AKAP3: variants seen among roughly 807,000 people sequenced by gnomAD.
AKAP3 encodes the protein A-kinase anchor protein 3.
A neutral mutation model predicts 57.2 loss-of-function variants in AKAP3; 27 were observed. The ratio of observed to expected loss-of-function variants is 0.47; its 90% confidence interval spans 0.35 to 0.65. The LOEUF is 0.65. AKAP3 is among the 30% of genes least tolerant of loss of function. AKAP3 has a pLI of 0.01. For missense variants in AKAP3, 959 were observed against 1,040.0 expected, an observed-to-expected ratio of 0.92 and a Z score of 1.07; for synonymous variants, 334 against 392.3, an observed-to-expected ratio of 0.85 and a Z score of 1.76.
chr12:4,635,480 T>C (rs1945552689), intron 4 of AKAP3: 1 of 672,580 alleles, frequency 1.5e-6, no homozygotes, highest in Non-Finnish European at 2.7e-6. Flanking sequence ...ACATTTCATT[T>C]ACATTCACTG....
rs763493404 is a variant in AKAP3, at chr12:4,628,565, C to A, written c.337G>T (p.Ala113Ser). ...HKEIPCQGPR[A>S]QLGNGSSVDE... ...ACTGAACTCCCGTTGCCAAGTTGGGCCCTGGGGCCCTGGCAAGGAATCTCT... is the reference window on the plus strand; with the variant it reads ...ACTGAACTCCCGTTGCCAAGTTGGGACCTGGGGCCCTGGCAAGGAATCTCT... The change falls in exon 5 of 6, where the codon GCC becomes TCC. Residue 113 changes from alanine (A) to serine (S), a missense_variant. Ala to Ser is a moderately conservative substitution (Grantham distance 99). Transcript: ENST00000228850. The A allele has an allele frequency of 1.2e-6, 2 of 1,612,722 alleles. No individual in the cohort carries two copies. The highest frequency in any genetic ancestry group is 3.3e-5 in the Admixed American group (2 of 60,006).
At position 4,627,748 on chromosome 12, in the gene AKAP3, A is replaced by G; in HGVS notation, c.1154T>C (p.Met385Thr). The change falls in exon 5 of 6, where the codon ATG becomes ACG. Residue 385 changes from methionine to threonine, a missense_variant. Met to Thr is a moderately conservative substitution (Grantham distance 81, BLOSUM62 -1). Coordinates refer to ENST00000228850, the MANE Select transcript of AKAP3 (RefSeq NM_001278309.2). ...ATGCTCAGGGACTTTCTTGGCAAAC[A>G]TTACATTGTACAGCTTCCTTAGCAT... ...DAMLRKLYNV[M>T]FAKKVPEHVR... 1.9e-6 allele frequency: 3 copies of G among 1,614,092 alleles called. No homozygotes were observed. Among genetic ancestry groups the G allele is most frequent in the Non-Finnish European group, 2.5e-6 (3 of 1,180,024 alleles).
chr12:4,647,866 T>C (rs943829359), intron 1 of AKAP3: 3 of 118,184 alleles, frequency 2.5e-5, no homozygotes, highest in South Asian at 2.5e-4. Flanking sequence ...AGGGGCAAGA[T>C]AGAGTGGAAA....
intron 4 of AKAP3, chr12:4,636,265 G>C (rs760960358): frequency 2.5e-6 from 1 of 394,202 alleles, no homozygotes; most frequent in Non-Finnish European, 4.7e-6. Flanking sequence ...CCTCAGACGC[G>C]GCAAGCGGAG....
chr12:4,617,131 C>T (rs12829711), intron 5 of AKAP3, among the ~76,000 whole-genome samples: 30,875 of 152,046 alleles, frequency 0.2, 4,028 homozygotes, highest in Middle Eastern at 0.34. Context: ...CAAATGACAG[C>T]CAATTTCTCA....
intron 1 of AKAP3, chr12:4,645,820 G>A (rs1414378645): frequency 1.3e-5 from 2 of 152,162 alleles, no homozygotes; most frequent in African/African-American, 4.8e-5. Flanking sequence ...TTTAATATAG[G>A]TGGGGGAATA....
chr12:4,628,042 G>A lies in AKAP3; in HGVS notation c.860C>T (p.Thr287Ile), dbSNP rs781691588. The change falls in exon 5 of 6, where the codon ACC becomes ATC. Residue 287 changes from threonine to isoleucine, a missense_variant. Physicochemically the swap from Thr to Ile is moderately conservative, Grantham distance 89. Transcript: ENST00000228850. ...FTASVSEGIM[T>I]YANSVVSDMM... ...ATCAGATACCACACTGTTAGCATAG[G>A]TCATGATCCCTTCACTAACAGAAGC... 4.3e-6 allele frequency: 7 copies of A among 1,613,970 alleles called. No homozygotes were observed. The African/African-American group carries it at 6.7e-5, about 15-fold the overall frequency.
intron 5 of AKAP3, among the ~76,000 whole-genome samples, chr12:4,616,203 G>A (rs767119255): frequency 3.7e-4 from 57 of 152,196 alleles, no homozygotes; most frequent in Non-Finnish European, 6.8e-4. Flanking sequence ...ATGTCCAGTG[G>A]ACAAATGTGG....
chr12:4,628,732 T>G lies in AKAP3; in HGVS notation c.170A>C (p.Gln57Pro). 1 of 1,614,202 alleles carries G rather than the reference T, an allele frequency of 6.2e-7. No individual in the cohort carries two copies. Among genetic ancestry groups the G allele is most frequent in the Non-Finnish European group, 8.5e-7 (1 of 1,180,012 alleles). The change falls in exon 5 of 6, where the codon CAA becomes CCA. Residue 57 changes from glutamine to proline, a missense_variant. Transcript: ENST00000228850. ...RDLEKSTAEF[Q>P]DVRFKPGESF... ...TTCTCCGGGTTTGAACCGAACATCT[T>G]GGAACTCTGCTGTACTCTTCTCCAG...
At chr12:4,618,820 C>T (rs147987445) in intron 5 of AKAP3, among the ~76,000 whole-genome samples, 17 of 152,290 alleles carry the variant, frequency 1.1e-4, no homozygotes, top group African/African-American at 3.1e-4. Context: ...CGTGATAAAT[C>T]GGCTGTCATC....
Position 4,648,986 on chromosome 12 carries a change from G to A in AKAP3, c.-486C>T. The A allele has an allele frequency of 1.1e-6, 1 of 930,608 alleles. No individual in the cohort carries two copies. Among genetic ancestry groups the A allele is most frequent in the Non-Finnish European group, 1.6e-6 (1 of 618,640 alleles). The allele number at this position is 930,608 out of a possible 1,614,324, so 57.6% of individuals were successfully genotyped here. A position where few individuals can be genotyped will look rare whatever the true frequency, so the allele number is the denominator to read the frequency against. ...CTTCCCCCTCTCCTTCACTTTCCCA[G>A]CTTTCTTCTTAACCAACAATCTACC... On this transcript the variant is annotated 5_prime_UTR_variant, in exon 1 of 6. Coordinates refer to ENST00000228850, the MANE Select transcript of AKAP3 (RefSeq NM_001278309.2).
intron 4 of AKAP3, among the ~76,000 whole-genome samples, chr12:4,633,970 CTTT>C (rs59050368): frequency 0.24 from 33,020 of 137,938 alleles, 3,922 homozygotes; most frequent in South Asian, 0.42. Context: ...TATCTATATT[CTTT>C]TTTTTTTTTT....
At chr12:4,642,101 T>C (rs934440334) in intron 2 of AKAP3, 97 bp from the exon 3 acceptor site, 2 of 152,232 alleles carry the variant, frequency 1.3e-5, no homozygotes, top group African/African-American at 4.8e-5. Context: ...ATTTTTCACA[T>C]GTGCATTTAA....
chr12:4,647,238 C>T (rs1481596944), intron 1 of AKAP3, among the ~76,000 whole-genome samples: 1 of 152,078 alleles, frequency 6.6e-6, no homozygotes, highest in Non-Finnish European at 1.5e-5. Context: ...ATCCATTACG[C>T]CACCCGATTC....
rs1252847753 is a variant in AKAP3, at chr12:4,640,942, G to C, written c.-1+957C>G. Among the ~76,000 whole-genome samples the C allele has an allele frequency of 2.0e-5, 3 of 151,864 alleles. No individual in the cohort carries two copies. In the East Asian group the frequency reaches 5.8e-4, roughly 29 times the overall value. ...GTGATTCTAAAACACATCAAGAATT[G>C]AGAATTCCTAGACCAGGGCTTATCT... On this transcript the variant is annotated intron_variant, in intron 3 of 5. Transcript: ENST00000228850.
chr12:4,635,807 T>C (rs1591532437), intron 4 of AKAP3: 1 of 692,870 alleles, frequency 1.4e-6, no homozygotes. Flanking sequence ...AAGACACACA[T>C]TTTGGGTTAG....
Position 4,638,157 on chromosome 12 carries a change from C to T in AKAP3, c.40G>A (p.Val14Ile). The T allele has an allele frequency of 1.2e-6, 2 of 1,613,136 alleles. No individual in the cohort carries two copies. The highest frequency in any genetic ancestry group is 1.7e-6 in the Non-Finnish European group (2 of 1,179,732). Reference sequence around the variant, plus strand: ...GGAGAATAGACATCAACTTTGCATACTCCATTTTGGCTTTGTAACCAGTCA... The same window carrying T: ...GGAGAATAGACATCAACTTTGCATATTCCATTTTGGCTTTGTAACCAGTCA... ...KVDWLQSQNG[V>I]CKVDVYSPGD... The change falls in exon 4 of 6, where the codon GTA becomes ATA. Residue 14 changes from valine to isoleucine, a missense_variant. By Grantham distance (29) the Val-to-Ile change is conservative. Transcript: ENST00000228850.
intron 4 of AKAP3, chr12:4,635,547 C>A (rs1438803757): frequency 4.3e-6 from 3 of 703,394 alleles, no homozygotes; most frequent in Non-Finnish European, 7.9e-6. Flanking sequence ...TAGGACTGTG[C>A]TTCCTGGAAA....
intron 4 of AKAP3, among the ~76,000 whole-genome samples, chr12:4,632,671 T>C (rs1330622048): frequency 6.6e-6 from 1 of 152,142 alleles, no homozygotes; most frequent in African/African-American, 2.4e-5. Context: ...TACAGAGTCT[T>C]GCTCTGTCAC....
Sources: allele counts gnomAD v4.1 joint callset (sites outside exome capture counted in the v4.1 genomes callset), GRCh38; gene constraint gnomAD v4.1.1; transcripts MANE v1.5; gene names NCBI Gene and HGNC (gene_info 2026-07-23, HGNC 2026-07-21).